The following ROBO1 variants were observed in gnomAD, a reference collection of about 807,000 sequenced individuals.
ROBO1 encodes the protein roundabout guidance receptor 1, also known as roundabout homolog 1.
Under a neutral mutation model 195.9 loss-of-function variants are expected in ROBO1, and 149 were observed. The observed-to-expected ratio is 0.76, with a 90% confidence interval of 0.67 to 0.87. The LOEUF (loss-of-function observed/expected upper bound fraction) is 0.87. ROBO1 is among the 40% of genes least tolerant of loss of function. The pLI is 0.00. For synonymous variants in ROBO1, 816 were observed against 733.2 expected, an observed-to-expected ratio of 1.11 and a Z score of -1.82; for missense variants, 1,933 against 2,068.3, an observed-to-expected ratio of 0.93 and a Z score of 1.27.
At chr3:79,654,182 T>C (rs772780112) in intron 1 of ROBO1, among the ~76,000 whole-genome samples, 1 of 152,022 alleles carries the variant, frequency 6.6e-6, no homozygotes. Flanking sequence ...GGATGTAACA[T>C]GAGATTTAAG....
chr3:79,124,349 A>C (rs1029984524), intron 3 of ROBO1, among the ~76,000 whole-genome samples: 2 of 152,122 alleles, frequency 1.3e-5, no homozygotes, highest in African/African-American at 4.8e-5. Context: ...TAACTGTACT[A>C]CTTATTTCAA....
intron 1 of ROBO1, among the ~76,000 whole-genome samples, chr3:79,620,370 G>A (rs1334365004): frequency 1.3e-5 from 2 of 152,040 alleles, no homozygotes; most frequent in Non-Finnish European, 2.9e-5. Context: ...GGGTAAATCC[G>A]TACCCTTCTT....
chr3:78,817,081 T>G (rs934183226), intron 4 of ROBO1, among the ~76,000 whole-genome samples: 7 of 152,174 alleles, frequency 4.6e-5, no homozygotes, highest in Admixed American at 1.3e-4. Context: ...TGAAAGAAGT[T>G]CTCTGAGTAA....
At chr3:79,291,853 A>T (rs574662661) in intron 2 of ROBO1, among the ~76,000 whole-genome samples, 3 of 152,296 alleles carry the variant, frequency 2.0e-5, no homozygotes, top group East Asian at 1.9e-4. Context: ...TAGAATCAAG[A>T]AGTTTAATTA....
At chr3:79,052,158 T>C (rs1559622675) in intron 3 of ROBO1, among the ~76,000 whole-genome samples, 1 of 152,078 alleles carries the variant, frequency 6.6e-6, no homozygotes, top group Non-Finnish European at 1.5e-5. Context: ...GAATTCTTTT[T>C]CTCAGCAAGT....
At chr3:79,683,651 CT>C (rs1947014707) in intron 1 of ROBO1, among the ~76,000 whole-genome samples, 1 of 152,036 alleles carries the variant, frequency 6.6e-6, no homozygotes, top group African/African-American at 2.4e-5. Flanking sequence ...TACTTTCTGT[CT>C]CTATGGATGT....
chr3:79,162,658 A>G (rs1207594378), intron 2 of ROBO1, among the ~76,000 whole-genome samples: 1 of 152,158 alleles, frequency 6.6e-6, no homozygotes, highest in Non-Finnish European at 1.5e-5. Flanking sequence ...AGTTGGGCAA[A>G]CTTACGTTTG....
chr3:79,676,196 C>T (rs9882027), intron 1 of ROBO1, among the ~76,000 whole-genome samples: 46,756 of 151,788 alleles, frequency 0.31, 8,722 homozygotes, highest in African/African-American at 0.53. Context: ...GAAAATAACT[C>T]CATGATTTAT....
chr3:79,703,105 A>C (rs1315574550), intron 1 of ROBO1, among the ~76,000 whole-genome samples: 1 of 151,988 alleles, frequency 6.6e-6, no homozygotes, highest in Non-Finnish European at 1.5e-5. Context: ...TTAATGTAAA[A>C]TTCTAAAGGG....
At chr3:79,244,352 C>A (rs1016567601) in intron 2 of ROBO1, among the ~76,000 whole-genome samples, 7 of 152,020 alleles carry the variant, frequency 4.6e-5, no homozygotes, top group African/African-American at 1.4e-4. Flanking sequence ...AAGTGACAAA[C>A]AAAATTTCAC....
intron 2 of ROBO1, among the ~76,000 whole-genome samples, chr3:79,384,558 A>T (rs1442810280): frequency 6.6e-6 from 1 of 152,052 alleles, no homozygotes; most frequent in Non-Finnish European, 1.5e-5. Context: ...TGAACAGAGA[A>T]GTGTTTTAAA....
intron 1 of ROBO1, among the ~76,000 whole-genome samples, chr3:79,625,975 C>T (rs574397003): frequency 2.6e-5 from 4 of 152,208 alleles, no homozygotes; most frequent in African/African-American, 7.2e-5. Context: ...ACTGGCCAAC[C>T]GAATCCAGCA....
At chr3:79,320,762 C>T (rs892683818) in intron 2 of ROBO1, among the ~76,000 whole-genome samples, 1 of 152,024 alleles carries the variant, frequency 6.6e-6, no homozygotes, top group Non-Finnish European at 1.5e-5. Context: ...ATTATTAAGG[C>T]TTAATGTTTG....
intron 4 of ROBO1, among the ~76,000 whole-genome samples, chr3:78,838,608 G>A (rs1160331090): frequency 6.6e-6 from 1 of 152,088 alleles, no homozygotes; most frequent in African/African-American, 2.4e-5. Flanking sequence ...GACGTGCCAG[G>A]TTCTTTTTAA....
intron 2 of ROBO1, among the ~76,000 whole-genome samples, chr3:79,247,707 A>G (rs1165014869): frequency 6.6e-6 from 1 of 152,118 alleles, no homozygotes; most frequent in Non-Finnish European, 1.5e-5. Context: ...TTGTGCTACA[A>G]CGCTCACAGG....
intron 2 of ROBO1, among the ~76,000 whole-genome samples, chr3:79,449,872 C>A (rs562501520): frequency 1.3e-5 from 2 of 152,206 alleles, no homozygotes; most frequent in African/African-American, 2.4e-5. Context: ...CTCATGTCAT[C>A]TTCACAACAA....
intron 2 of ROBO1, among the ~76,000 whole-genome samples, chr3:79,125,950 C>A (rs1466242756): frequency 6.6e-6 from 1 of 152,014 alleles, no homozygotes; most frequent in Non-Finnish European, 1.5e-5. Flanking sequence ...GTGATCACTC[C>A]CCATCATCGC....
chr3:79,332,004 G>C (rs1048523147), intron 2 of ROBO1, among the ~76,000 whole-genome samples: 2 of 151,962 alleles, frequency 1.3e-5, no homozygotes, highest in African/African-American at 4.8e-5. Flanking sequence ...TTAGCCAGGC[G>C]TGGTGGCGGG....
chr3:79,110,087 T>C (rs2079858368), intron 3 of ROBO1, among the ~76,000 whole-genome samples: 1 of 152,056 alleles, frequency 6.6e-6, no homozygotes, highest in Admixed American at 6.6e-5. Flanking sequence ...TTTAATCTCT[T>C]TCTCACTCGG....
Sources: allele counts gnomAD v4.1 joint callset (sites outside exome capture counted in the v4.1 genomes callset), GRCh38; gene constraint gnomAD v4.1.1; transcripts MANE v1.5; gene names NCBI Gene and HGNC (gene_info 2026-07-23, HGNC 2026-07-21).